The following FRMD5 variants were observed in gnomAD, a reference collection of about 807,000 sequenced individuals.
FRMD5 encodes FERM domain-containing protein 5.
A neutral mutation model predicts 69.0 loss-of-function variants in FRMD5; 20 were observed. The ratio of observed to expected loss-of-function variants is 0.29; its 90% confidence interval spans 0.20 to 0.42. FRMD5 has a LOEUF of 0.42. Ranked by LOEUF, FRMD5 falls within the 10% of genes least tolerant of loss-of-function variation. FRMD5 has a pLI of 1.00. For synonymous variants in FRMD5, 271 were observed against 260.1 expected (o/e 1.04, Z -0.40); for missense variants, 595 against 708.6 (o/e 0.84, Z 1.82).
At chr15:44,140,586 A>G (rs2077255490) in intron 1 of FRMD5, among the ~76,000 whole-genome samples, 1 of 152,110 alleles carries the variant, frequency 6.6e-6, no homozygotes, top group South Asian at 2.1e-4. Flanking sequence ...TCTCATAAGA[A>G]ATCCAAGAAA....
intron 1 of FRMD5, among the ~76,000 whole-genome samples, chr15:44,007,806 G>A (rs1238942284): frequency 8.6e-5 from 13 of 151,612 alleles, no homozygotes; most frequent in South Asian, 8.4e-4. Context: ...CCACCACCCC[G>A]GCTAATTTTG....
chr15:44,003,921 T>G (rs1299779191), intron 1 of FRMD5, among the ~76,000 whole-genome samples: 1 of 152,190 alleles, frequency 6.6e-6, no homozygotes, highest in African/African-American at 2.4e-5. Context: ...TTTTGTTCAC[T>G]GAAGAAGAAA....
intron 1 of FRMD5, among the ~76,000 whole-genome samples, chr15:44,042,520 A>G (rs903971845): frequency 9.9e-5 from 15 of 152,220 alleles, no homozygotes; most frequent in Non-Finnish European, 1.9e-4. Context: ...ATCAATGCGA[A>G]AATCCTCAAT....
Position 43,892,053 on chromosome 15 carries a change from G to T in FRMD5, c.656C>A (p.Ala219Asp). 4 of 1,614,108 alleles carry T rather than the reference G, an allele frequency of 2.5e-6. No individual in the cohort carries two copies. Among genetic ancestry groups the T allele is most frequent in the Non-Finnish European group, 3.4e-6 (4 of 1,179,974 alleles). ...PHPCKDVSGN[A>D]AFLAFTPFGF... ...AAAAGGAGTGAAGGCCAGAAATGCA[G>T]CATTTCCTGACACGTCCTGCAACAC... Residue 219 changes from alanine to aspartate, a missense_variant, in exon 8 of 14, where the codon GCT (alanine) becomes GAT (aspartate). This residue lies in a region of FRMD5 where 176 missense variants were observed against 266.3 expected (regional missense o/e 0.66). Transcript: ENST00000417257.
At chr15:44,010,350 C>T (rs934599991) in intron 1 of FRMD5, among the ~76,000 whole-genome samples, 1 of 152,040 alleles carries the variant, frequency 6.6e-6, no homozygotes, top group Non-Finnish European at 1.5e-5. Context: ...TGATGACTAA[C>T]CTCAGAGATG....
chr15:44,192,495 G>A (rs1259380648), intron 1 of FRMD5, among the ~76,000 whole-genome samples: 1 of 152,004 alleles, frequency 6.6e-6, no homozygotes, highest in Non-Finnish European at 1.5e-5. Context: ...TAAAATGTTG[G>A]GAATATTGCT....
chr15:44,144,664 A>G (rs1595518407), intron 1 of FRMD5, among the ~76,000 whole-genome samples: 1 of 152,218 alleles, frequency 6.6e-6, no homozygotes, highest in Non-Finnish European at 1.5e-5. Context: ...ATCTATTTAA[A>G]ACACATCTTC....
chr15:44,016,165 C>G (rs945926706), intron 1 of FRMD5, among the ~76,000 whole-genome samples: 99 of 152,290 alleles, frequency 6.5e-4, no homozygotes, highest in African/African-American at 2.2e-3. Context: ...TAAACAGCAA[C>G]ATCTGCAAAC....
At chr15:44,125,753 C>T (rs1307094866) in intron 1 of FRMD5, among the ~76,000 whole-genome samples, 1 of 152,124 alleles carries the variant, frequency 6.6e-6, no homozygotes, top group African/African-American at 2.4e-5. Flanking sequence ...ATTTTTATGA[C>T]CTCTTGTGGT....
chr15:44,029,589 C>G (rs946892023), intron 1 of FRMD5, among the ~76,000 whole-genome samples: 3 of 152,178 alleles, frequency 2.0e-5, no homozygotes, highest in Admixed American at 6.5e-5. Context: ...CAAGCTTATA[C>G]AGGATTGAGG....
chr15:44,195,163 C>T lies in FRMD5; in HGVS notation c.-109G>A, dbSNP rs2078269944. 2 of 804,672 alleles carry T rather than the reference C, an allele frequency of 2.5e-6. No homozygotes were observed. The highest frequency in any genetic ancestry group is 3.7e-6 in the Non-Finnish European group (2 of 540,602). The allele number at this position is 804,672 out of a possible 1,614,324, so 49.8% of individuals were successfully genotyped here. ...ACCCCAGGCACCTGCACCATCACCC[C>T]GGCCCCGTCGCTGCCGTTGCCTCCT... On this transcript the variant is annotated 5_prime_UTR_variant, in exon 1 of 14. Transcript: ENST00000417257.
chr15:43,981,082 C>T (rs573886714), intron 1 of FRMD5, among the ~76,000 whole-genome samples: 8 of 152,094 alleles, frequency 5.3e-5, no homozygotes, highest in Non-Finnish European at 7.4e-5. Flanking sequence ...GTGATGTGAT[C>T]GTCACTCACT....
intron 1 of FRMD5, among the ~76,000 whole-genome samples, chr15:44,102,681 C>T (rs2076656780): frequency 6.6e-6 from 1 of 152,196 alleles, no homozygotes; most frequent in Admixed American, 6.5e-5. Flanking sequence ...GGCTCAAAAG[C>T]TACCATGTAA....
intron 1 of FRMD5, among the ~76,000 whole-genome samples, chr15:44,088,620 G>A (rs1274735731): frequency 6.6e-6 from 1 of 152,046 alleles, no homozygotes; most frequent in Admixed American, 6.6e-5. Context: ...GTACAGAGAG[G>A]TACTCAGGAC....
At chr15:43,908,901 A>G (rs2089231551) in intron 5 of FRMD5, among the ~76,000 whole-genome samples, 1 of 152,228 alleles carries the variant, frequency 6.6e-6, no homozygotes, top group South Asian at 2.1e-4. Context: ...GATGCTTCAT[A>G]TCTTGGAGAT....
chr15:43,895,915 C>G (rs1383873707), intron 7 of FRMD5, among the ~76,000 whole-genome samples: 1 of 152,208 alleles, frequency 6.6e-6, no homozygotes, highest in East Asian at 1.9e-4. Flanking sequence ...TGTTGTGAGC[C>G]TGCCGTTGGA....
intron 9 of FRMD5, 66 bp from the exon 10 acceptor site, chr15:43,888,332 G>T: frequency 1.8e-6 from 2 of 1,124,158 alleles, no homozygotes; most frequent in Non-Finnish European, 2.7e-6. Flanking sequence ...AGTAGGCGAG[G>T]ACCCTGACCC....
chr15:43,984,426 CA>C (rs1355559824), intron 1 of FRMD5, among the ~76,000 whole-genome samples: 1 of 152,198 alleles, frequency 6.6e-6, no homozygotes, highest in Non-Finnish European at 1.5e-5. Flanking sequence ...AGTGGGCAGG[CA>C]CAGAGCAGGC....
Position 43,871,190 on chromosome 15 carries a change from G to T in FRMD5, c.*2695C>A, listed in dbSNP as rs1366236420. 6.6e-6 allele frequency: 1 copy of T among 152,176 alleles called. No homozygotes were observed. The highest frequency in any genetic ancestry group is 1.5e-5 in the Non-Finnish European group (1 of 68,028). 9.4% of individuals were successfully genotyped at this position (152,176 alleles called of 1,614,324 possible). On this transcript the variant is annotated 3_prime_UTR_variant, in exon 14 of 14. Coordinates refer to ENST00000417257, the MANE Select transcript of FRMD5 (RefSeq NM_032892.5). ...CAATCAAAGGAGGTTTATTATTCAAGCACTATTTGAAAAGCAAACTGAAGG... is the reference window on the plus strand; with the variant it reads ...CAATCAAAGGAGGTTTATTATTCAATCACTATTTGAAAAGCAAACTGAAGG...
Sources: allele counts gnomAD v4.1 joint callset (sites outside exome capture counted in the v4.1 genomes callset), GRCh38; gene constraint gnomAD v4.1.1; regional missense constraint gnomAD v4.1.1; transcripts MANE v1.5; gene names NCBI Gene and HGNC (gene_info 2026-07-23, HGNC 2026-07-21).